The following INSR variants were observed in gnomAD, a reference collection of about 807,000 sequenced individuals.
INSR encodes IR.
INSR carries 67 observed loss-of-function variants against 142.6 expected under a neutral mutation model. That is an observed-to-expected ratio of 0.47 (90% CI 0.39 to 0.58). The LOEUF (loss-of-function observed/expected upper bound fraction) is 0.58. INSR is among the 20% of genes least tolerant of loss of function. INSR has a pLI of 0.00. For missense variants in INSR, 1,248 were observed against 1,833.2 expected, an observed-to-expected ratio of 0.68 and a Z score of 5.83; for synonymous variants, 756 against 743.1, an observed-to-expected ratio of 1.02 and a Z score of -0.28.
At chr19:7,135,519 A>G (rs1972900090) in intron 13 of INSR, among the ~76,000 whole-genome samples, 1 of 151,416 alleles carries the variant, frequency 6.6e-6, no homozygotes, top group Non-Finnish European at 1.5e-5. Context: ...TTTGAAAAAA[A>G]AAAAAAAATT....
At chr19:7,206,838 C>G (rs928610540) in intron 2 of INSR, among the ~76,000 whole-genome samples, 1 of 152,054 alleles carries the variant, frequency 6.6e-6, no homozygotes, top group South Asian at 2.1e-4. Flanking sequence ...TTCTAAAGCC[C>G]AAATATCACG....
In INSR at chr19:7,293,969, C is replaced by G. The variant is rs1375701694; in HGVS notation, c.-78G>C. The G allele has an allele frequency of 2.6e-6, 3 of 1,137,340 alleles. No individual in the cohort carries two copies. Among genetic ancestry groups the G allele is most frequent in the African/African-American group, 1.6e-5 (1 of 60,944 alleles). 70.5% of individuals were successfully genotyped at this position (1,137,340 alleles called of 1,614,324 possible). ...GGGGGTCATGCTCCGAGGCGGCCAC[C>G]CAAGAGGCGCTGGGGGCCGCGCGTC... On this transcript the variant is annotated 5_prime_UTR_variant, in exon 1 of 22. Transcript: ENST00000302850.
rs563160172 is a variant in INSR, at chr19:7,252,657, G to A, written c.652+14688C>T. 3.9e-5 allele frequency among the ~76,000 whole-genome samples: 6 copies of A among 152,164 alleles called. No individual in the cohort carries two copies. The South Asian group carries it at 1.0e-3, about 26-fold the overall frequency. ...TAAAGCCCATCCTTATCAGACCTCC[G>A]AGTAAAAATGTTTTCCTTCCCCAGG... On this transcript the variant is annotated intron_variant, in intron 2 of 21. Coordinates refer to ENST00000302850, the MANE Select transcript of INSR (RefSeq NM_000208.4).
intron 2 of INSR, among the ~76,000 whole-genome samples, chr19:7,242,035 C>T (rs1014389346): frequency 6.6e-6 from 1 of 151,760 alleles, no homozygotes; most frequent in Non-Finnish European, 1.5e-5. Flanking sequence ...ACCTGTAATC[C>T]CAGCTGCTTA....
At chr19:7,189,758 G>C (rs978500441) in intron 2 of INSR, among the ~76,000 whole-genome samples, 1 of 151,486 alleles carries the variant, frequency 6.6e-6, no homozygotes, top group Admixed American at 6.6e-5. Flanking sequence ...CTGTGTCCCA[G>C]GTTCAAGCAA....
chr19:7,156,052 C>CTTTTTTTT (rs147889782), intron 9 of INSR, among the ~76,000 whole-genome samples: 2 of 67,346 alleles, frequency 3.0e-5, no homozygotes, highest in African/African-American at 1.3e-4. Flanking sequence ...ATATGGAATT[C>CTTTTTTTT]TTTTTTTTTT....
intron 1 of INSR, among the ~76,000 whole-genome samples, chr19:7,274,231 T>C (rs974954673): frequency 7.9e-5 from 12 of 152,050 alleles, no homozygotes; most frequent in African/African-American, 2.9e-4. Context: ...ATCCCTTGTA[T>C]GCACAGTTCA....
intron 1 of INSR, among the ~76,000 whole-genome samples, chr19:7,272,400 C>G (rs1026810625): frequency 3.9e-5 from 6 of 151,968 alleles, no homozygotes; most frequent in Non-Finnish European, 8.8e-5. Flanking sequence ...GGTGGATCAC[C>G]TGAGGTCGGG....
At chr19:7,288,368 T>C (rs1214760569) in intron 1 of INSR, among the ~76,000 whole-genome samples, 1 of 151,758 alleles carries the variant, frequency 6.6e-6, no homozygotes, top group Non-Finnish European at 1.5e-5. Flanking sequence ...CTAGTCATGG[T>C]GGTGCCTGCC....
At position 7,141,542 on chromosome 19, in the gene INSR, T is replaced by C. The variant is rs1468106675; in HGVS notation, c.2682+135A>G. 32 of 1,285,310 alleles carry C rather than the reference T, an allele frequency of 2.5e-5. No homozygotes were observed. In the Middle Eastern group the frequency reaches 6.2e-4, roughly 25 times the overall value. 79.6% of individuals were successfully genotyped at this position (1,285,310 alleles called of 1,614,324 possible). A position where few individuals can be genotyped will look rare whatever the true frequency, so the allele number is the denominator to read the frequency against. On this transcript the variant is annotated intron_variant, in intron 13 of 21. Transcript: ENST00000302850. ...CCTGCGAAGTCAGGTATCAAGGCTT[T>C]AAGTACTAATAGCACAGTACCTGAT...
intron 14 of INSR, among the ~76,000 whole-genome samples, chr19:7,129,571 C>T (rs955519492): frequency 2.0e-5 from 3 of 152,064 alleles, no homozygotes; most frequent in African/African-American, 7.2e-5. Context: ...GTGATCCTCC[C>T]GCCTCAGCCT....
Position 7,204,712 on chromosome 19 carries a change from G to A in INSR, c.653-20075C>T, listed in dbSNP as rs1450136755. Among the ~76,000 whole-genome samples, 3 of 26,990 alleles carry A rather than the reference G, an allele frequency of 1.1e-4. No homozygotes were observed. In the African/African-American group the frequency reaches 1.2e-3, roughly 11 times the overall value. The allele number at this position is 26,990 out of a possible 152,430, so 17.7% of individuals were successfully genotyped here. On this transcript the variant is annotated intron_variant, in intron 2 of 21. Transcript: ENST00000302850. ...GCTACTGAGCCCTGGCACCTATGCG[G>A]GGAAAATGCAATAAGGAAAAAAAGG... is the stretch of plus-strand genomic sequence containing the variant.
chr19:7,292,587 A>G (rs1426442733), intron 1 of INSR, among the ~76,000 whole-genome samples: 1 of 151,952 alleles, frequency 6.6e-6, no homozygotes, highest in African/African-American at 2.4e-5. Flanking sequence ...CCATCAATAC[A>G]TTTAAGAGCT....
At chr19:7,261,811 G>T (rs923430716) in intron 2 of INSR, among the ~76,000 whole-genome samples, 5 of 152,150 alleles carry the variant, frequency 3.3e-5, no homozygotes, top group African/African-American at 1.2e-4. Flanking sequence ...GATTACAGGT[G>T]TGGGGCCTCC....
chr19:7,220,804 A>T (rs537174304), intron 2 of INSR, among the ~76,000 whole-genome samples: 220 of 152,324 alleles, frequency 1.4e-3, no homozygotes, highest in African/African-American at 5.1e-3. Flanking sequence ...TACTGGTAAC[A>T]TAATAGTATG....
intron 2 of INSR, among the ~76,000 whole-genome samples, chr19:7,186,240 G>A (rs1466128547): frequency 3.3e-5 from 5 of 152,008 alleles, no homozygotes; most frequent in East Asian, 1.9e-4. Context: ...GAAAGTTGGG[G>A]AGTGTTCTTC....
intron 1 of INSR, among the ~76,000 whole-genome samples, chr19:7,277,225 T>A (rs548027524): frequency 6.6e-5 from 10 of 152,246 alleles, no homozygotes; most frequent in Admixed American, 2.6e-4. Context: ...TCCACCTGCC[T>A]GCAAGAATAG....
intron 6 of INSR, 90 bp downstream of exon 6, chr19:7,170,447 A>T: frequency 2.1e-6 from 2 of 933,782 alleles, no homozygotes; most frequent in South Asian, 2.6e-5. Context: ...ATCATGCTGA[A>T]ACCATCCCCA....
At chr19:7,154,503 T>C (rs575146103) in intron 9 of INSR, among the ~76,000 whole-genome samples, 1,744 of 150,262 alleles carry the variant, frequency 0.012, 73 homozygotes, top group Admixed American at 0.077. Flanking sequence ...GGGGTTTCAT[T>C]GTGTTAGCCA....
Sources: allele counts gnomAD v4.1 joint callset (sites outside exome capture counted in the v4.1 genomes callset), GRCh38; gene constraint gnomAD v4.1.1; transcripts MANE v1.5; gene names NCBI Gene and HGNC (gene_info 2026-07-23, HGNC 2026-07-21).